The following TRPM3 variants were observed in gnomAD, a reference collection of about 807,000 sequenced individuals.
TRPM3 encodes the protein transient receptor potential cation channel subfamily M member 3.
In TRPM3, 77 loss-of-function variants were observed where a neutral mutation model predicts 181.2. That is an observed-to-expected ratio of 0.42 (90% CI 0.35 to 0.51). The LOEUF (loss-of-function observed/expected upper bound fraction) is 0.51. TRPM3 is among the 20% of genes least tolerant of loss of function. TRPM3 has a pLI of 0.01. For synonymous variants in TRPM3, 745 were observed against 796.4 expected, an observed-to-expected ratio of 0.94 and a Z score of 1.09; for missense variants, 1,759 against 2,196.7, an observed-to-expected ratio of 0.80 and a Z score of 3.98.
chr9:71,174,502 C>T (rs779506606), intron 1 of TRPM3, among the ~76,000 whole-genome samples: 3 of 151,918 alleles, frequency 2.0e-5, no homozygotes, highest in African/African-American at 7.3e-5. Flanking sequence ...GATCATGTCA[C>T]TGTACTCTAG....
At chr9:71,314,459 GA>G (rs898319561) in intron 1 of TRPM3, among the ~76,000 whole-genome samples, 2 of 152,030 alleles carry the variant, frequency 1.3e-5, no homozygotes, top group African/African-American at 4.8e-5. Context: ...TTAAAATTGG[GA>G]AAATTATTTT....
intron 1 of TRPM3, among the ~76,000 whole-genome samples, chr9:70,950,767 G>A (rs1159216042): frequency 6.6e-6 from 1 of 151,962 alleles, no homozygotes; most frequent in Admixed American, 6.6e-5. Context: ...TTGCACTGAG[G>A]CCTCTCTTCT....
chr9:70,784,603 C>T (rs185759188), intron 6 of TRPM3, among the ~76,000 whole-genome samples: 38 of 152,252 alleles, frequency 2.5e-4, no homozygotes, highest in African/African-American at 8.4e-4. Context: ...AGACAAAGCA[C>T]CAGACCAGCA....
rs180726922 is a variant in TRPM3 at position 71,337,020 on chromosome 9, T to A, written c.183+109633A>T. 8.5e-4 allele frequency among the ~76,000 whole-genome samples: 130 copies of A among 152,070 alleles called. 1 individual carries two copies. The highest frequency in any genetic ancestry group is 6.8e-4 in the Non-Finnish European group (46 of 67,980). ...AAACACTAGAAGAAAACCTAGGCAA[T>A]ACCATTCAAGACATAGGGATGGGCA... On this transcript the variant is annotated intron_variant, in intron 1 of 24. Coordinates refer to the TRPM3 transcript ENST00000357533.
intron 1 of TRPM3, among the ~76,000 whole-genome samples, chr9:70,913,746 G>A (rs2096562174): frequency 6.6e-6 from 1 of 152,070 alleles, no homozygotes; most frequent in South Asian, 2.1e-4. Context: ...TTCTGTCTCT[G>A]TAATACTCTG....
intron 1 of TRPM3, among the ~76,000 whole-genome samples, chr9:71,380,014 G>A (rs191707818): frequency 6.6e-6 from 1 of 152,010 alleles, no homozygotes; most frequent in African/African-American, 2.4e-5. Flanking sequence ...TTTTAAGATG[G>A]AGCAGGGGGA....
At chr9:71,367,887 CAAATGTCTTAAATTGCTGA>C (rs2092387132) in intron 1 of TRPM3, among the ~76,000 whole-genome samples, 1 of 152,100 alleles carries the variant, frequency 6.6e-6, no homozygotes, top group South Asian at 2.1e-4. Flanking sequence ...TCTCCTACTT[CAAATGTCTTAAATTGCTGA>C]TCTTTCAACT....
chr9:70,625,246 T>A lies in TRPM3; in HGVS notation c.1754A>T (p.Asn585Ile), dbSNP rs1364652220. 1.9e-6 allele frequency: 3 copies of A among 1,614,086 alleles called. No homozygotes were observed. Among genetic ancestry groups the A allele is most frequent in the Non-Finnish European group, 2.5e-6 (3 of 1,180,010 alleles). ...EYLMGGAYRC[N>I]YTRKRFRTLY... ...GGTCCGGAAGCGCTTGCGCGTGTAG[T>A]TGCAGCGATAAGCCCCGCCCATCAG... Residue 585 changes from asparagine (N) to isoleucine (I), a missense_variant, in exon 14 of 26, where the codon AAC becomes ATC. Around this residue, in one of 8 missense-constraint regions of TRPM3, gnomAD observed 737 missense variants for 957.4 expected, o/e 0.77. Transcript: ENST00000677713. The surrounding 1 kb of genome is among the most constrained non-coding windows in gnomAD (Gnocchi z 4.8).
chr9:71,212,317 C>G (rs368663831), intron 1 of TRPM3, among the ~76,000 whole-genome samples: 1 of 152,172 alleles, frequency 6.6e-6, no homozygotes, highest in African/African-American at 2.4e-5. Context: ...CTATGTTGTC[C>G]AGGCTTGTGA....
chr9:71,387,203 A>C (rs1036923501), intron 1 of TRPM3, among the ~76,000 whole-genome samples: 1 of 152,218 alleles, frequency 6.6e-6, no homozygotes, highest in Non-Finnish European at 1.5e-5. Context: ...ATGGAAAGTA[A>C]GCCAGTTAAG....
intron 1 of TRPM3, among the ~76,000 whole-genome samples, chr9:71,387,987 T>C (rs2092967284): frequency 6.6e-6 from 1 of 152,220 alleles, no homozygotes; most frequent in Non-Finnish European, 1.5e-5. Context: ...TGCTATATAA[T>C]ATTCTTTGGG....
intron 1 of TRPM3, among the ~76,000 whole-genome samples, chr9:71,355,240 T>G (rs544796742): frequency 6.6e-6 from 1 of 152,210 alleles, no homozygotes; most frequent in Non-Finnish European, 1.5e-5. Context: ...TGAGCTTATT[T>G]GGAAAAAGTT....
chr9:71,199,787 C>T (rs969008562), intron 1 of TRPM3, among the ~76,000 whole-genome samples: 9 of 151,422 alleles, frequency 5.9e-5, no homozygotes, highest in African/African-American at 7.3e-5. Flanking sequence ...GTCTTGCTAG[C>T]AGTCTATCAA....
intron 1 of TRPM3, among the ~76,000 whole-genome samples, chr9:71,016,859 A>G (rs1404070455): frequency 6.6e-6 from 1 of 152,122 alleles, no homozygotes; most frequent in Non-Finnish European, 1.5e-5. Flanking sequence ...ATTTCCACCA[A>G]CAGTGTACAA....
At chr9:70,762,570 G>A (rs1232625771) in intron 7 of TRPM3, among the ~76,000 whole-genome samples, 1 of 152,118 alleles carries the variant, frequency 6.6e-6, no homozygotes, top group African/African-American at 2.4e-5. Context: ...AGACAAAACT[G>A]CTCTCAAGGA....
chr9:70,869,765 T>C (rs879671169), intron 1 of TRPM3, among the ~76,000 whole-genome samples: 4 of 152,036 alleles, frequency 2.6e-5, no homozygotes, highest in Non-Finnish European at 4.4e-5. Flanking sequence ...AGGTGAGCTG[T>C]GACCACGGTG....
chr9:71,301,776 T>C (rs2086797553), intron 1 of TRPM3, among the ~76,000 whole-genome samples: 2 of 152,074 alleles, frequency 1.3e-5, no homozygotes, highest in South Asian at 4.1e-4. Flanking sequence ...TGCTTTATTA[T>C]TATTATTATA....
intron 1 of TRPM3, among the ~76,000 whole-genome samples, chr9:71,106,975 G>A (rs1327949813): frequency 6.6e-6 from 1 of 152,228 alleles, no homozygotes; most frequent in Middle Eastern, 3.4e-3. Context: ...AATGAATTTG[G>A]GTTCGCCTCT....
At chr9:71,256,403 A>T (rs1440145147) in intron 1 of TRPM3, among the ~76,000 whole-genome samples, 3 of 152,094 alleles carry the variant, frequency 2.0e-5, no homozygotes, top group Non-Finnish European at 4.4e-5. Flanking sequence ...GGCACATAGG[A>T]TTGAAGAACA....
Sources: gnomAD v4.1 joint callset for allele counts (sites outside exome capture counted in the v4.1 genomes callset) on GRCh38, gnomAD v4.1.1 for gene constraint, gnomAD v4.1.1 regional missense constraint, Gnocchi (gnomAD v3.1) non-coding constraint, MANE v1.5 for transcripts, NCBI Gene and HGNC (gene_info 2026-07-23, HGNC 2026-07-21) for gene names.